LARP1B: variants seen among roughly 807,000 people sequenced by gnomAD.
The protein encoded by LARP1B is La ribonucleoprotein 1B.
LARP1B carries 76 observed loss-of-function variants against 114.2 expected under a neutral mutation model. The ratio of observed to expected loss-of-function variants is 0.67; its 90% confidence interval spans 0.55 to 0.81. The LOEUF (loss-of-function observed/expected upper bound fraction) is 0.81. Ranked by LOEUF, LARP1B falls within the 30% of genes least tolerant of loss-of-function variation. LARP1B has a pLI of 0.00. For synonymous variants in LARP1B, 345 were observed against 348.0 expected, an observed-to-expected ratio of 0.99 and a Z score of 0.10; for missense variants, 1,014 against 1,075.8, an observed-to-expected ratio of 0.94 and a Z score of 0.80.
chr4:128,093,784 C>T (rs1394791411), intron 7 of LARP1B, among the ~76,000 whole-genome samples: 1 of 145,924 alleles, frequency 6.9e-6, no homozygotes, highest in Admixed American at 7.0e-5. Context: ...GATCTCGGCT[C>T]ACTGCAACGT....
intron 18 of LARP1B, 62 bp from the exon 19 acceptor site, chr4:128,207,194 T>G (rs1320249042): frequency 1.4e-6 from 1 of 737,186 alleles, no homozygotes; most frequent in Non-Finnish European, 1.9e-6. Context: ...AGGATTATAT[T>G]TAATGTGAAT....
In LARP1B at chr4:128,211,848, A is replaced by G. The variant is rs947620921; in HGVS notation, c.*1795A>G. The G allele has an allele frequency of 2.2e-5, 15 of 682,600 alleles. No individual in the cohort carries two copies. In the African/African-American group the frequency reaches 2.3e-4, roughly 11 times the overall value. The allele number at this position is 682,600 out of a possible 1,614,324, so 42.3% of individuals were successfully genotyped here. On this transcript the variant is annotated 3_prime_UTR_variant, in exon 20 of 20. Transcript: ENST00000326639. Reference sequence around the variant, plus strand: ...ATTGTATATTATAAATGAAAATACAATAATCAGGAGTTTTGTGGTTTGTAT... The same window carrying G: ...ATTGTATATTATAAATGAAAATACAGTAATCAGGAGTTTTGTGGTTTGTAT...
intron 11 of LARP1B, among the ~76,000 whole-genome samples, chr4:128,161,296 T>A (rs1187368209): frequency 6.6e-6 from 1 of 152,164 alleles, no homozygotes; most frequent in Non-Finnish European, 1.5e-5. Context: ...CTCTACCCTC[T>A]GTAATGCTCC....
At chr4:128,107,988 TG>T in intron 9 of LARP1B, 8 of 1,527,294 alleles carry the variant, frequency 5.2e-6, no homozygotes, top group Non-Finnish European at 7.0e-6. Context: ...CAAATCCTGC[TG>T]CAAAAATGAA....
At chr4:128,086,861 C>T (rs549133736) in intron 5 of LARP1B, among the ~76,000 whole-genome samples, 3 of 151,914 alleles carry the variant, frequency 2.0e-5, no homozygotes, top group African/African-American at 7.2e-5. Flanking sequence ...AGTGCAGTGG[C>T]GCGATTTTGG....
At chr4:128,085,817 A>C (rs2149509765) in intron 5 of LARP1B, among the ~76,000 whole-genome samples, 1 of 152,280 alleles carries the variant, frequency 6.6e-6, no homozygotes, top group Admixed American at 6.5e-5. Context: ...TGTGGAATGT[A>C]TGTATTTCTC....
intron 12 of LARP1B, among the ~76,000 whole-genome samples, chr4:128,163,717 G>C (rs1739511642): frequency 1.3e-5 from 2 of 152,166 alleles, no homozygotes; most frequent in South Asian, 4.2e-4. Context: ...GTTTTTAAAT[G>C]ATCATTGTGA....
In LARP1B at chr4:128,219,238, A is replaced by C. The variant is rs62321075; in HGVS notation, n.849-1117A>C. ...CAACCATTGTGGAAGTCAGTGTGGCAATTCCTCAGGGATCTAGAACTAGAA... is the reference window on the plus strand; with the variant it reads ...CAACCATTGTGGAAGTCAGTGTGGCCATTCCTCAGGGATCTAGAACTAGAA... On this transcript the variant is annotated intron_variant and non_coding_transcript_variant, in intron 6 of 7. Coordinates refer to the LARP1B transcript ENST00000503725. Among the ~76,000 whole-genome samples, 372 of 141,690 alleles carry C rather than the reference A, an allele frequency of 2.6e-3. 1 individual carries two copies. Among genetic ancestry groups the C allele is most frequent in the Admixed American group, 5.5e-3 (77 of 13,930 alleles). 93.0% of individuals were successfully genotyped at this position (141,690 alleles called of 152,430 possible).
At chr4:128,166,942 CT>C (rs1741133683) in intron 12 of LARP1B, among the ~76,000 whole-genome samples, 2 of 82,998 alleles carry the variant, frequency 2.4e-5, no homozygotes, top group Admixed American at 2.6e-4. Flanking sequence ...CTCTCTCTCT[CT>C]CTCTCTCTCT....
chr4:128,091,587 G>A, intron 7 of LARP1B, 75 bp downstream of exon 7: 1 of 1,163,790 alleles, frequency 8.6e-7, no homozygotes, highest in Non-Finnish European at 1.2e-6. Flanking sequence ...CATTGATAAT[G>A]AATATGCTAT....
chr4:128,127,440 T>C (rs1421145073), intron 11 of LARP1B, among the ~76,000 whole-genome samples: 1 of 152,230 alleles, frequency 6.6e-6, no homozygotes, highest in African/African-American at 2.4e-5. Context: ...TATTAAAGTT[T>C]GCAAATTGCA....
intron 12 of LARP1B, among the ~76,000 whole-genome samples, chr4:128,165,161 G>A (rs1740221990): frequency 6.6e-6 from 1 of 151,710 alleles, no homozygotes; most frequent in Admixed American, 6.6e-5. Flanking sequence ...CTGAGGGTGG[G>A]GGAAATCCCA....
At chr4:128,063,217 A>C (rs1760988179) in intron 1 of LARP1B, among the ~76,000 whole-genome samples, 1 of 151,248 alleles carries the variant, frequency 6.6e-6, no homozygotes, top group Non-Finnish European at 1.5e-5. Flanking sequence ...ACCTGAGGTG[A>C]GGAGTTCGAG....
intron 6 of LARP1B, among the ~76,000 whole-genome samples, chr4:128,219,997 T>A (rs895388229): frequency 6.6e-6 from 1 of 152,200 alleles, no homozygotes; most frequent in African/African-American, 2.4e-5. Context: ...GCGATTCTCC[T>A]GCCTCAGCCT....
intron 19 of LARP1B, among the ~76,000 whole-genome samples, chr4:128,209,198 C>T (rs1279200129): frequency 2.0e-5 from 3 of 152,116 alleles, no homozygotes; most frequent in African/African-American, 4.8e-5. Flanking sequence ...GCGGGTGGAT[C>T]GCCTGAGCTT....
At chr4:128,206,057 G>A (rs532783050) in intron 17 of LARP1B, among the ~76,000 whole-genome samples, 4 of 152,270 alleles carry the variant, frequency 2.6e-5, no homozygotes, top group South Asian at 2.1e-4. Context: ...TTGGGAGGCC[G>A]AGGCAGATGG....
At chr4:128,106,922 A>G (rs188007091) in intron 8 of LARP1B, among the ~76,000 whole-genome samples, 1 of 152,310 alleles carries the variant, frequency 6.6e-6, no homozygotes, top group East Asian at 1.9e-4. Context: ...AAAATATATC[A>G]TCTGAAGTTA....
intron 10 of LARP1B, among the ~76,000 whole-genome samples, chr4:128,118,653 T>G (rs1380059166): frequency 6.6e-6 from 1 of 152,070 alleles, no homozygotes; most frequent in African/African-American, 2.4e-5. Context: ...TGGACCTCCT[T>G]GATAGATCAT....
At chr4:128,099,127 G>A (rs533173347) in intron 8 of LARP1B, among the ~76,000 whole-genome samples, 2 of 151,436 alleles carry the variant, frequency 1.3e-5, no homozygotes, top group East Asian at 3.9e-4. Flanking sequence ...GCTGGGCATG[G>A]TGGCTCATGC....
Sources: gnomAD v4.1 joint callset for allele counts (sites outside exome capture counted in the v4.1 genomes callset) on GRCh38, gnomAD v4.1.1 for gene constraint, MANE v1.5 for transcripts, NCBI Gene and HGNC (gene_info 2026-07-23, HGNC 2026-07-21) for gene names.